The following EPHA5 variants were observed in gnomAD, a reference collection of about 807,000 sequenced individuals.
EPHA5 encodes the protein ephrin type-A receptor 5.
Under a neutral mutation model 105.0 loss-of-function variants are expected in EPHA5, and 60 were observed. The ratio of observed to expected loss-of-function variants is 0.57; its 90% CI spans 0.46 to 0.71. The LOEUF is 0.71. EPHA5 is among the 30% of genes least tolerant of loss of function. The pLI is 0.00. For missense variants in EPHA5, 1,218 were observed against 1,274.7 expected, an observed-to-expected ratio of 0.96 and a Z score of 0.68; for synonymous variants, 513 against 449.1, an observed-to-expected ratio of 1.14 and a Z score of -1.80.
chr4:65,360,700 A>G (rs967942836), intron 11 of EPHA5, among the ~76,000 whole-genome samples: 10 of 151,584 alleles, frequency 6.6e-5, no homozygotes, highest in African/African-American at 2.4e-4. Flanking sequence ...TAATTTTATT[A>G]TTTTTCTTAA....
intron 8 of EPHA5, among the ~76,000 whole-genome samples, chr4:65,382,288 A>AT (rs371961755): frequency 1.3e-5 from 2 of 151,678 alleles, no homozygotes; most frequent in South Asian, 4.2e-4. Context: ...CACTTCAATT[A>AT]TTTTTTTTCA....
chr4:65,330,827 T>A (rs1007199850), intron 16 of EPHA5: 2 of 1,031,576 alleles, frequency 1.9e-6, no homozygotes, highest in Non-Finnish European at 2.3e-6. Flanking sequence ...GTAGATATGA[T>A]CTGGTGGACC....
intron 11 of EPHA5, among the ~76,000 whole-genome samples, chr4:65,358,958 G>A (rs1413402845): frequency 6.6e-6 from 1 of 151,590 alleles, no homozygotes; most frequent in Non-Finnish European, 1.5e-5. Context: ...ATTAGCGAAA[G>A]TGGTTAATAC....
intron 8 of EPHA5, among the ~76,000 whole-genome samples, chr4:65,384,421 C>T (rs1485506142): frequency 6.6e-6 from 1 of 151,928 alleles, no homozygotes; most frequent in Non-Finnish European, 1.5e-5. Flanking sequence ...TGGTTAGAAC[C>T]TAATAACTGC....
At chr4:65,365,612 C>T (rs1717797375) in intron 10 of EPHA5, among the ~76,000 whole-genome samples, 1 of 130,462 alleles carries the variant, frequency 7.7e-6, no homozygotes, top group African/African-American at 2.7e-5. Flanking sequence ...CAGATATGAA[C>T]TGAATTACAT....
chr4:65,583,460 G>A (rs1328565536), intron 3 of EPHA5, among the ~76,000 whole-genome samples: 1 of 151,658 alleles, frequency 6.6e-6, no homozygotes, highest in Non-Finnish European at 1.5e-5. Flanking sequence ...AATATTTAAA[G>A]TACACGAATC....
intron 1 of EPHA5, among the ~76,000 whole-genome samples, chr4:65,665,284 C>G (rs1437026984): frequency 6.6e-6 from 1 of 151,790 alleles, no homozygotes; most frequent in Non-Finnish European, 1.5e-5. Context: ...AAAAAGCACT[C>G]CAGACAAAGG....
At chr4:65,446,270 T>A (rs1315631312) in intron 5 of EPHA5, among the ~76,000 whole-genome samples, 3 of 152,234 alleles carry the variant, frequency 2.0e-5, no homozygotes, top group Non-Finnish European at 4.4e-5. Flanking sequence ...CTTTATATAA[T>A]GACTAGAATT....
Position 65,335,978 on chromosome 4 carries a change from T to A in EPHA5, c.2743A>T (p.Ile915Leu). ...GTCTTCAGACTACTTGGGTTACGTA[T>A]CAGCTTGTCCAACATGTTGACTATT... ...DEIVNMLDKL[I>L]RNPSSLKTLV... The change falls in exon 15 of 17, where the codon ATA becomes TTA. Residue 915 changes from isoleucine to leucine, a missense_variant. Transcript: ENST00000613740. 6.2e-7 allele frequency: 1 copy of A among 1,613,074 alleles called. No homozygotes were observed. Among genetic ancestry groups the A allele is most frequent in the Non-Finnish European group, 8.5e-7 (1 of 1,179,426 alleles).
rs1360999274 is a variant in EPHA5 at position 65,576,062 on chromosome 4, A to G, written c.910+25579T>C. 7.6e-3 allele frequency among the ~76,000 whole-genome samples: 429 copies of G among 56,158 alleles called. 4 individuals carry two copies. The highest frequency in any genetic ancestry group is 0.021 in the African/African-American group (345 of 16,454). The allele number at this position is 56,158 out of a possible 152,430, so 36.8% of individuals were successfully genotyped here. ...AGAAAGAAAGAAAGAAAGAAAGAAA[A>G]GAAAAGAAAAGAAAAGAAAAGAAAA... On this transcript the variant is annotated intron_variant, in intron 3 of 16. Transcript: ENST00000613740.
At chr4:65,372,991 G>T (rs961984942) in intron 8 of EPHA5, among the ~76,000 whole-genome samples, 1 of 151,814 alleles carries the variant, frequency 6.6e-6, no homozygotes, top group African/African-American at 2.4e-5. Flanking sequence ...GAATTCAATT[G>T]TAATTGACAG....
chr4:65,590,734 C>T (rs908217038), intron 3 of EPHA5, among the ~76,000 whole-genome samples: 10 of 152,098 alleles, frequency 6.6e-5, no homozygotes, highest in Non-Finnish European at 4.4e-5. Context: ...TAAGTAGATT[C>T]CTCAAGGTTA....
intron 5 of EPHA5, among the ~76,000 whole-genome samples, chr4:65,475,111 C>T (rs921447673): frequency 6.6e-6 from 1 of 152,120 alleles, no homozygotes; most frequent in African/African-American, 2.4e-5. Flanking sequence ...AGATTTGATG[C>T]TATTACTATT....
At chr4:65,340,088 ACTCT>A (rs1193989622) in intron 14 of EPHA5, among the ~76,000 whole-genome samples, 1 of 152,120 alleles carries the variant, frequency 6.6e-6, no homozygotes, top group East Asian at 1.9e-4. Context: ...TGGTATAAAT[ACTCT>A]CTCTATGCCA....
chr4:65,363,633 A>G (rs1717557492), intron 11 of EPHA5, among the ~76,000 whole-genome samples: 1 of 151,586 alleles, frequency 6.6e-6, no homozygotes, highest in African/African-American at 2.4e-5. Context: ...ATGGAGACAG[A>G]AATTATCAAA....
chr4:65,462,099 G>C (rs1382143501), intron 5 of EPHA5, among the ~76,000 whole-genome samples: 1 of 152,038 alleles, frequency 6.6e-6, no homozygotes, highest in Admixed American at 6.6e-5. Flanking sequence ...GAGAAGTGTA[G>C]TCTTTTACAT....
rs1271881572 is a variant in EPHA5, at chr4:65,414,367, A to C, written c.1604T>G (p.Val535Gly). ...ITAEGLKPAS[V>G]YVFQIRARTA... ...ACGTGCTCGAATTTGGAAGACATAA[A>C]CTGAAGCTGGTTTCAAGCCCTCTGC... Residue 535 changes from valine (V) to glycine (G), a missense_variant, in exon 7 of 17, where the codon GTT becomes GGT. Physicochemically the swap from Val to Gly is moderately radical, Grantham distance 109. Coordinates refer to ENST00000613740, the MANE Select transcript of EPHA5 (RefSeq NM_001281766.3). 3.1e-6 allele frequency: 5 copies of C among 1,613,972 alleles called. No individual in the cohort carries two copies. The highest frequency in any genetic ancestry group is 1.7e-5 in the Admixed American group (1 of 60,008).
intron 7 of EPHA5, among the ~76,000 whole-genome samples, chr4:65,410,050 A>T (rs769070860): frequency 6.6e-6 from 1 of 152,160 alleles, no homozygotes; most frequent in Non-Finnish European, 1.5e-5. Flanking sequence ...CCAGTGTTGT[A>T]CTTTTGGAAA....
At chr4:65,343,796 T>C (rs1359301280) in intron 14 of EPHA5, among the ~76,000 whole-genome samples, 1 of 152,138 alleles carries the variant, frequency 6.6e-6, no homozygotes, top group African/African-American at 2.4e-5. Context: ...AATTGTATGA[T>C]CATTTTCTGT....
Sources: allele counts gnomAD v4.1 joint callset (sites outside exome capture counted in the v4.1 genomes callset), GRCh38; gene constraint gnomAD v4.1.1; transcripts MANE v1.5; gene names NCBI Gene and HGNC (gene_info 2026-07-23, HGNC 2026-07-21).